The following BCL7A variants were observed in gnomAD, a reference collection of about 807,000 sequenced individuals.
The protein encoded by BCL7A is B-cell CLL/lymphoma 7 protein family member A.
BCL7A carries 11 observed loss-of-function variants against 28.4 expected under a neutral mutation model. That is an observed-to-expected ratio of 0.39 (90% CI 0.24 to 0.64). BCL7A has a LOEUF of 0.64. BCL7A is among the 30% of genes least tolerant of loss of function. The pLI is 0.50. For synonymous variants in BCL7A, 123 were observed against 103.3 expected (o/e 1.19, Z -1.15); for missense variants, 222 against 274.8 (o/e 0.81, Z 1.36).
In BCL7A at chr12:122,029,451, T is replaced by C. The variant is rs1359788816; in HGVS notation, c.93-1249T>C. Among the ~76,000 whole-genome samples, 1 of 152,050 alleles carries C rather than the reference T, an allele frequency of 6.6e-6. No homozygotes were observed. Among genetic ancestry groups the C allele is most frequent in the Non-Finnish European group, 1.5e-5 (1 of 67,994 alleles). On this transcript the variant is annotated intron_variant, in intron 1 of 5. Transcript: ENST00000261822. This position sits in a 1 kb window ranked among gnomAD's most constrained non-coding sequence, Gnocchi z 4.3. ...CGAGGGGGTGATCTAAGGCTGAGTT[T>C]GGGCAGAGAGGCCAAAAAAAGGTGC...
At chr12:122,050,839 G>A (rs1203667168) in intron 4 of BCL7A, among the ~76,000 whole-genome samples, 5 of 152,246 alleles carry the variant, frequency 3.3e-5, no homozygotes, top group Non-Finnish European at 5.9e-5. Flanking sequence ...CTCCCTCGCC[G>A]GGAGCGAAGG....
At chr12:122,023,217 A>G (rs1883515222) in intron 1 of BCL7A, among the ~76,000 whole-genome samples, 1 of 147,898 alleles carries the variant, frequency 6.8e-6, no homozygotes, top group Admixed American at 6.7e-5. Flanking sequence ...GTTGTTGAAA[A>G]CTCCCCGCTG....
At chr12:122,033,003 C>T (rs1041638413) in intron 2 of BCL7A, among the ~76,000 whole-genome samples, 6 of 152,200 alleles carry the variant, frequency 3.9e-5, no homozygotes, top group African/African-American at 1.2e-4. Flanking sequence ...TTTAAACACT[C>T]AGTATCTATA....
chr12:122,054,938 G>C lies in BCL7A; in HGVS notation c.561+12G>C, dbSNP rs1179263777. On this transcript the variant is annotated intron_variant, in intron 5 of 5. Transcript: ENST00000261822. ...CTGCAATCTCTCAGGTACCTCGCTC[G>C]AGGTCTCAGAGGGGCAGCCAGATCG... is the stretch of plus-strand genomic sequence containing the variant. 5.6e-6 allele frequency: 9 copies of C among 1,614,080 alleles called. No homozygotes were observed. The highest frequency in any genetic ancestry group is 7.6e-6 in the Non-Finnish European group (9 of 1,180,040).
At chr12:122,022,787 T>A (rs2135833629) in intron 1 of BCL7A, among the ~76,000 whole-genome samples, 1 of 150,948 alleles carries the variant, frequency 6.6e-6, no homozygotes, top group Admixed American at 6.6e-5. Flanking sequence ...ATTTAGCGCT[T>A]TGGGCTGCCT....
intron 4 of BCL7A, among the ~76,000 whole-genome samples, chr12:122,053,110 C>T (rs1239449924): frequency 2.0e-5 from 3 of 152,180 alleles, no homozygotes; most frequent in Non-Finnish European, 4.4e-5. Flanking sequence ...GATTCTCCTG[C>T]CTCAGCCTCC....
In BCL7A at chr12:122,034,593, G is replaced by A. The variant is rs140505627; in HGVS notation, c.175-738G>A. On this transcript the variant is annotated intron_variant, in intron 2 of 5. Coordinates refer to ENST00000261822, the MANE Select transcript of BCL7A (RefSeq NM_001024808.3). ...TCTACTAAAAATACAAAAATTAGCC[G>A]GGTGTGGTGGCAGGCACCTGTAGCT... 2.5e-3 allele frequency among the ~76,000 whole-genome samples: 378 copies of A among 151,762 alleles called. 3 individuals are homozygous for A. The highest frequency in any genetic ancestry group is 8.5e-3 in the African/African-American group (351 of 41,394).
intron 4 of BCL7A, among the ~76,000 whole-genome samples, chr12:122,049,361 C>T (rs1042759239): frequency 2.0e-5 from 3 of 151,828 alleles, no homozygotes; most frequent in African/African-American, 7.3e-5. Flanking sequence ...CTCCCTCGCT[C>T]AATGGGATAA....
intron 4 of BCL7A, among the ~76,000 whole-genome samples, chr12:122,049,026 A>AT (rs1884133202): frequency 5.4e-5 from 4 of 74,166 alleles, no homozygotes; most frequent in Non-Finnish European, 1.1e-4. Flanking sequence ...GTAAAAAAAA[A>AT]AAAAAAAAAA....
rs533177288 is a variant in BCL7A, at chr12:122,022,121, G to A, written c.30G>A (p.Thr10=). 23 of 1,586,922 alleles carry A rather than the reference G, an allele frequency of 1.4e-5. 1 individual carries two copies. The South Asian group carries it at 2.6e-4, about 18-fold the overall frequency. MSGRSVRAE[T]RSRAKDDIKR... ...CGGGCAGGTCGGTTCGAGCCGAGAC[G>A]AGGAGCCGGGCCAAAGATGATATCA... Residue 10 remains threonine (T), a synonymous_variant, in exon 1 of 6, where the codon ACG becomes ACA. Transcript: ENST00000261822.
At chr12:122,038,943 G>A (rs1883910998) in intron 3 of BCL7A, among the ~76,000 whole-genome samples, 1 of 152,078 alleles carries the variant, frequency 6.6e-6, no homozygotes, top group Non-Finnish European at 1.5e-5. Flanking sequence ...GGGAGGCCGA[G>A]TTAGGAGGAT....
intron 5 of BCL7A, among the ~76,000 whole-genome samples, chr12:122,056,294 A>G (rs980341171): frequency 9.9e-5 from 15 of 151,984 alleles, no homozygotes; most frequent in South Asian, 2.1e-4. Flanking sequence ...AGAGTATCCA[A>G]TGCTCCCCCG....
intron 4 of BCL7A, among the ~76,000 whole-genome samples, chr12:122,049,777 T>A (rs1884153616): frequency 6.6e-6 from 1 of 152,108 alleles, no homozygotes; most frequent in Non-Finnish European, 1.5e-5. Flanking sequence ...GGTACCCTCA[T>A]CTCTCTTCAC....
At chr12:122,057,107 AAGAAGC>A (rs1272883148) in intron 5 of BCL7A, among the ~76,000 whole-genome samples, 1 of 152,226 alleles carries the variant, frequency 6.6e-6, no homozygotes, top group Non-Finnish European at 1.5e-5. Flanking sequence ...GGGTGACGTG[AAGAAGC>A]AGAACAGGCC....
chr12:122,034,239 A>C (rs1264701685), intron 2 of BCL7A, among the ~76,000 whole-genome samples: 1 of 70,372 alleles, frequency 1.4e-5, no homozygotes, highest in African/African-American at 5.8e-5. Flanking sequence ...ATATATATAT[A>C]TATATCTTGG....
At chr12:122,035,922 T>C (rs7980763) in intron 3 of BCL7A, among the ~76,000 whole-genome samples, 36,606 of 151,864 alleles carry the variant, frequency 0.24, 8,605 homozygotes, top group African/African-American at 0.61. Flanking sequence ...CTCACTGCAA[T>C]CTATGCCTCC....
intron 3 of BCL7A, among the ~76,000 whole-genome samples, chr12:122,040,108 T>G (rs1350622081): frequency 1.3e-5 from 2 of 152,150 alleles, no homozygotes; most frequent in Non-Finnish European, 2.9e-5. Context: ...CTCATTTGAG[T>G]CTAATAACCA....
chr12:122,042,791 A>G (rs936729719), intron 3 of BCL7A, among the ~76,000 whole-genome samples: 8 of 152,172 alleles, frequency 5.3e-5, no homozygotes, highest in Non-Finnish European at 2.9e-5. Context: ...TGCTGAAAAT[A>G]TGACGTTTCT....
At chr12:122,027,566 A>G (rs562112569) in intron 1 of BCL7A, among the ~76,000 whole-genome samples, 2 of 152,170 alleles carry the variant, frequency 1.3e-5, no homozygotes, top group Admixed American at 1.3e-4. Flanking sequence ...GGCTGGGCAC[A>G]GTGGCTTATA....
Sources: allele counts gnomAD v4.1 joint callset (sites outside exome capture counted in the v4.1 genomes callset), GRCh38; gene constraint gnomAD v4.1.1; non-coding constraint Gnocchi (gnomAD v3.1); transcripts MANE v1.5; gene names NCBI Gene and HGNC (gene_info 2026-07-23, HGNC 2026-07-21).